Variants in SGCZ observed in about 807,000 individuals in gnomAD.
SGCZ encodes zeta-sarcoglycan.
In SGCZ, 40 loss-of-function variants were observed where a neutral mutation model predicts 41.3. The ratio of observed to expected loss-of-function variants is 0.97; its 90% CI spans 0.75 to 1.26. The LOEUF (loss-of-function observed/expected upper bound fraction) is 1.26, where lower values mean the gene tolerates loss of function less well. SGCZ is among the 50% of genes most tolerant of loss of function. SGCZ has a pLI of 0.00. For missense variants in SGCZ, 552 were observed against 369.8 expected, an observed-to-expected ratio of 1.49 and a Z score of -4.04; for synonymous variants, 206 against 137.5, an observed-to-expected ratio of 1.50 and a Z score of -3.49.
intron 1 of SGCZ, among the ~76,000 whole-genome samples, chr8:15,139,955 G>A (rs1808260795): frequency 6.6e-6 from 1 of 152,014 alleles, no homozygotes; most frequent in African/African-American, 2.4e-5. Context: ...ATATTACAAA[G>A]AAACTGTACC....
At chr8:14,911,527 A>C (rs1231093906) in intron 1 of SGCZ, among the ~76,000 whole-genome samples, 2 of 152,052 alleles carry the variant, frequency 1.3e-5, no homozygotes, top group African/African-American at 4.8e-5. Flanking sequence ...ACCAATCACT[A>C]GTTAATTTAA....
At position 14,350,847 on chromosome 8, in the gene SGCZ, T is replaced by A. The variant is rs184197283; in HGVS notation, c.235-26643A>T. Among the ~76,000 whole-genome samples the A allele has an allele frequency of 1.0e-3, 154 of 152,320 alleles. 1 individual carries two copies. Among genetic ancestry groups the A allele is most frequent in the Admixed American group, 2.6e-3 (40 of 15,290 alleles). Reference sequence around the variant, plus strand: ...TGTATACCATGAACTTGCATTATTATTGTATCGTTTAAACATATTTTGCTG... The same window carrying A: ...TGTATACCATGAACTTGCATTATTAATGTATCGTTTAAACATATTTTGCTG... On this transcript the variant is annotated intron_variant, in intron 2 of 7. Transcript: ENST00000382080.
At chr8:14,398,822 C>G (rs1446872249) in intron 2 of SGCZ, among the ~76,000 whole-genome samples, 3 of 152,040 alleles carry the variant, frequency 2.0e-5, no homozygotes, top group African/African-American at 7.2e-5. Flanking sequence ...GCTCACATAG[C>G]AGGTGGCTTT....
At chr8:14,788,283 C>T (rs566377139) in intron 1 of SGCZ, among the ~76,000 whole-genome samples, 1 of 152,180 alleles carries the variant, frequency 6.6e-6, no homozygotes, top group East Asian at 1.9e-4. Flanking sequence ...TTTCCAGAAA[C>T]ATAGACAGTG....
chr8:14,943,707 T>C (rs1020809158), intron 1 of SGCZ, among the ~76,000 whole-genome samples: 1 of 152,212 alleles, frequency 6.6e-6, no homozygotes, highest in East Asian at 1.9e-4. Context: ...CAATACGTAG[T>C]TTTTTAATCC....
At chr8:14,831,598 TTG>T (rs113673802) in intron 1 of SGCZ, among the ~76,000 whole-genome samples, 3,332 of 149,700 alleles carry the variant, frequency 0.022, 43 homozygotes, top group African/African-American at 0.029. Flanking sequence ...ACAAGTGTGT[TTG>T]TGTGTGTGTG....
At chr8:14,353,245 A>G (rs1194565392) in intron 2 of SGCZ, among the ~76,000 whole-genome samples, 2 of 152,092 alleles carry the variant, frequency 1.3e-5, no homozygotes, top group Non-Finnish European at 2.9e-5. Context: ...GACATTTACT[A>G]GTAGATAGAA....
intron 1 of SGCZ, among the ~76,000 whole-genome samples, chr8:15,203,958 G>A (rs940325831): frequency 6.6e-6 from 1 of 152,016 alleles, no homozygotes; most frequent in African/African-American, 2.4e-5. Context: ...CTCCTTATGG[G>A]ACTACGTTTA....
At chr8:14,412,275 C>A (rs571567476) in intron 2 of SGCZ, among the ~76,000 whole-genome samples, 7 of 151,952 alleles carry the variant, frequency 4.6e-5, no homozygotes, top group Non-Finnish European at 7.4e-5. Context: ...ATATTTTAGA[C>A]CCTAAGGTAT....
chr8:15,039,516 C>G (rs969744757), intron 1 of SGCZ, among the ~76,000 whole-genome samples: 4 of 152,100 alleles, frequency 2.6e-5, no homozygotes, highest in African/African-American at 9.7e-5. Flanking sequence ...ATGTCAGTTA[C>G]AGAGGAAGAA....
rs540160419 is a variant in SGCZ, at chr8:14,690,186, C to T, written c.40-135260G>A. Among the ~76,000 whole-genome samples, 249 of 149,042 alleles carry T rather than the reference C, an allele frequency of 1.7e-3. 2 individuals are homozygous for T. The highest frequency in any genetic ancestry group is 6.0e-3 in the African/African-American group (242 of 40,578). Reference sequence around the variant, plus strand: ...GGGCCCGTGTTGTGTGTATAGGATACTACAGGAAGCATTTTTAGAAAAAGG... The same window carrying T: ...GGGCCCGTGTTGTGTGTATAGGATATTACAGGAAGCATTTTTAGAAAAAGG... On this transcript the variant is annotated intron_variant, in intron 1 of 7. Coordinates refer to ENST00000382080, the MANE Select transcript of SGCZ (RefSeq NM_139167.4).
chr8:14,758,674 A>G (rs765512456), intron 1 of SGCZ, among the ~76,000 whole-genome samples: 3 of 152,206 alleles, frequency 2.0e-5, no homozygotes, highest in Non-Finnish European at 4.4e-5. Flanking sequence ...AACTACATTA[A>G]AGCGAAATTA....
chr8:14,950,393 G>C (rs1800594865), intron 1 of SGCZ, among the ~76,000 whole-genome samples: 1 of 146,528 alleles, frequency 6.8e-6, no homozygotes, highest in Non-Finnish European at 1.5e-5. Context: ...TTCCTGTTTT[G>C]TTGTTCAGTC....
chr8:14,510,850 G>C (rs10088928), intron 2 of SGCZ, among the ~76,000 whole-genome samples: 6,540 of 152,068 alleles, frequency 0.043, 386 homozygotes, highest in African/African-American at 0.13. Flanking sequence ...TTTTACAACT[G>C]AGAAATGTCT....
At chr8:14,646,145 A>G (rs1051331173) in intron 1 of SGCZ, among the ~76,000 whole-genome samples, 2 of 151,914 alleles carry the variant, frequency 1.3e-5, no homozygotes, top group African/African-American at 4.8e-5. Flanking sequence ...TCAGGGTACA[A>G]CTGCACCCAG....
At chr8:14,152,172 C>CTT (rs1157249194) in intron 5 of SGCZ, among the ~76,000 whole-genome samples, 1 of 142,780 alleles carries the variant, frequency 7.0e-6, no homozygotes, top group Non-Finnish European at 1.5e-5. Context: ...TATTTGCAAA[C>CTT]TTATATATAT....
At chr8:14,670,357 A>G (rs1364685804) in intron 1 of SGCZ, among the ~76,000 whole-genome samples, 3 of 152,174 alleles carry the variant, frequency 2.0e-5, no homozygotes, top group Non-Finnish European at 2.9e-5. Context: ...ACTTCAATTT[A>G]TATCTAATAC....
chr8:14,526,718 G>A (rs754660217), intron 2 of SGCZ, among the ~76,000 whole-genome samples: 7 of 152,074 alleles, frequency 4.6e-5, no homozygotes, highest in Non-Finnish European at 5.9e-5. Context: ...CTGAGAGTGT[G>A]AAATGCATAT....
At chr8:14,468,530 G>C (rs1229209268) in intron 2 of SGCZ, among the ~76,000 whole-genome samples, 1 of 152,050 alleles carries the variant, frequency 6.6e-6, no homozygotes, top group East Asian at 1.9e-4. Flanking sequence ...TAGATCTTGA[G>C]AGCAAAGGTG....
Sources: gnomAD v4.1 joint callset for allele counts (sites outside exome capture counted in the v4.1 genomes callset) on GRCh38, gnomAD v4.1.1 for gene constraint, MANE v1.5 for transcripts, NCBI Gene and HGNC (gene_info 2026-07-23, HGNC 2026-07-21) for gene names.